The following CKAP2 variants were observed in gnomAD, a reference collection of about 807,000 sequenced individuals.
The protein encoded by CKAP2 is cytoskeleton associated protein 2, also known as cytoskeleton-associated protein 2.
In CKAP2, 46 loss-of-function variants were observed where a neutral mutation model predicts 58.4. The ratio of observed to expected loss-of-function variants is 0.79; its 90% confidence interval spans 0.62 to 1.01. CKAP2 has a LOEUF of 1.01. Ranked by LOEUF, CKAP2 falls within the 50% of genes least tolerant of loss-of-function variation. The pLI is 0.00. For missense variants in CKAP2, 809 were observed against 796.4 expected, an observed-to-expected ratio of 1.02 and a Z score of -0.19; for synonymous variants, 293 against 280.9, an observed-to-expected ratio of 1.04 and a Z score of -0.43.
At chr13:52,460,122 GTGC>G (rs1399614963) in intron 2 of CKAP2, among the ~76,000 whole-genome samples, 6 of 152,128 alleles carry the variant, frequency 3.9e-5, no homozygotes, top group African/African-American at 9.7e-5. Context: ...GCCTCCCAAA[GTGC>G]TGCTATTACA....
Position 52,461,795 on chromosome 13 carries a change from C to G in CKAP2, c.969C>G (p.Ala323=). The G allele has an allele frequency of 6.2e-7, 1 of 1,614,002 alleles. No homozygotes were observed. Among genetic ancestry groups the G allele is most frequent in the Non-Finnish European group, 8.5e-7 (1 of 1,179,920 alleles). ...GATCCATAGCATCTGAAGTTATAGC[C>G]AGGCCTGCTTCATTGTCTAATGATA... is the stretch of plus-strand genomic sequence containing the variant. The part of the protein sequence containing the change: ...LSRSIASEVI[A]RPASLSNDKL... Residue 323 remains alanine (A), a synonymous_variant, in exon 4 of 9, where the codon GCC becomes GCG. Coordinates refer to ENST00000258607, the MANE Select transcript of CKAP2 (RefSeq NM_018204.5).
In CKAP2 at chr13:52,456,626, C is replaced by T; in HGVS notation, c.155+19C>T. 5 of 1,543,524 alleles carry T rather than the reference C, an allele frequency of 3.2e-6. No homozygotes were observed. The highest frequency in any genetic ancestry group is 3.6e-6 in the Non-Finnish European group (4 of 1,118,636). ...TATCCAGGTAAGGTCAAGTTTATTT[C>T]TTTTCACTTCTGTAAAATTGTATCA... On this transcript the variant is annotated intron_variant, in intron 2 of 8. Coordinates refer to ENST00000258607, the MANE Select transcript of CKAP2 (RefSeq NM_018204.5).
At chr13:52,462,737 C>T (rs1324909070) in intron 5 of CKAP2, among the ~76,000 whole-genome samples, 170 bp downstream of exon 5, 1 of 152,194 alleles carries the variant, frequency 6.6e-6, no homozygotes, top group African/African-American at 2.4e-5. Flanking sequence ...GCGAGATACA[C>T]TGCTTCATTC....
At position 52,455,504 on chromosome 13, in the gene CKAP2, G is replaced by A. The variant is rs1408582847; in HGVS notation, c.-53G>A. On this transcript the variant is annotated 5_prime_UTR_variant, in exon 1 of 9. Coordinates refer to ENST00000258607, the MANE Select transcript of CKAP2 (RefSeq NM_018204.5). Reference sequence around the variant, plus strand: ...CAGACTGCGGCGGCGGTGGTCTGAGGAAGTTCTATCTTGGCGCTAAAGCGG... The same window carrying A: ...CAGACTGCGGCGGCGGTGGTCTGAGAAAGTTCTATCTTGGCGCTAAAGCGG... 6.8e-6 allele frequency: 11 copies of A among 1,606,810 alleles called. No homozygotes were observed. The highest frequency in any genetic ancestry group is 1.6e-4 in the Middle Eastern group (1 of 6,074).
At chr13:52,471,549 G>A (rs1350648993) in intron 7 of CKAP2, among the ~76,000 whole-genome samples, 1 of 151,388 alleles carries the variant, frequency 6.6e-6, no homozygotes, top group Non-Finnish European at 1.5e-5. Flanking sequence ...CAAGCACCAC[G>A]TGGGTGTTTC....
rs1958832580 is a variant in CKAP2 at position 52,476,594 on chromosome 13, T to C, written c.*1453T>C. The C allele has an allele frequency of 6.6e-6, 1 of 152,232 alleles. No individual in the cohort carries two copies. Among genetic ancestry groups the C allele is most frequent in the South Asian group, 2.1e-4 (1 of 4,830 alleles). The allele number at this position is 152,232 out of a possible 1,614,324, so 9.4% of individuals were successfully genotyped here. A position where few individuals can be genotyped will look rare whatever the true frequency, so the allele number is the denominator to read the frequency against. On this transcript the variant is annotated 3_prime_UTR_variant, in exon 9 of 9. Transcript: ENST00000258607. Reference sequence around the variant, plus strand: ...TTTTTTCATACTTTGACCCAAAATATGCCATTTTGAAATAAAATTTAAGCT... The same window carrying C: ...TTTTTTCATACTTTGACCCAAAATACGCCATTTTGAAATAAAATTTAAGCT...
At chr13:52,469,256 T>C (rs1049599801) in intron 7 of CKAP2, among the ~76,000 whole-genome samples, 1 of 152,216 alleles carries the variant, frequency 6.6e-6, no homozygotes, top group Non-Finnish European at 1.5e-5. Context: ...GAGATCTGGC[T>C]CAATATTTAG....
intron 2 of CKAP2, 40 bp from the exon 3 acceptor site, chr13:52,460,859 C>T: frequency 6.4e-7 from 1 of 1,569,744 alleles, no homozygotes; most frequent in South Asian, 1.1e-5. Context: ...CTCCTTGGTA[C>T]AGGATTGATT....
At position 52,475,295 on chromosome 13, in the gene CKAP2, AT is replaced by A; in HGVS notation, c.*155del. ...GAGCTCCTTTACTAACATTCATGTTATGGCAAGAGTTGTCCTCTACATTGGA... is the reference window on the plus strand; with the variant it reads ...GAGCTCCTTTACTAACATTCATGTTAGGCAAGAGTTGTCCTCTACATTGGA... On this transcript the variant is annotated 3_prime_UTR_variant, in exon 9 of 9. Coordinates refer to ENST00000258607, the MANE Select transcript of CKAP2 (RefSeq NM_018204.5). The A allele has an allele frequency of 1.1e-6, 1 of 927,266 alleles. No homozygotes were observed. Among genetic ancestry groups the A allele is most frequent in the Non-Finnish European group, 1.6e-6 (1 of 629,556 alleles). 57.4% of individuals were successfully genotyped at this position (927,266 alleles called of 1,614,324 possible).
chr13:52,469,062 T>C (rs907903612), intron 7 of CKAP2, among the ~76,000 whole-genome samples: 8 of 152,250 alleles, frequency 5.3e-5, no homozygotes, highest in Admixed American at 5.2e-4. Flanking sequence ...CTTTTAAGGA[T>C]AGCCATTCTG....
intron 5 of CKAP2, among the ~76,000 whole-genome samples, chr13:52,463,685 G>T (rs1033302858): frequency 1.3e-5 from 2 of 152,200 alleles, no homozygotes; most frequent in Non-Finnish European, 2.9e-5. Context: ...ACCAGAAGCA[G>T]TTGAGGGACC....
At chr13:52,474,362 G>T (rs546907852) in intron 8 of CKAP2, among the ~76,000 whole-genome samples, 1 of 152,078 alleles carries the variant, frequency 6.6e-6, no homozygotes, top group Non-Finnish European at 1.5e-5. Flanking sequence ...GGTGCTGTGT[G>T]CCTGTAGTCC....
chr13:52,467,896 G>A (rs1452318646), intron 6 of CKAP2, among the ~76,000 whole-genome samples: 2 of 150,426 alleles, frequency 1.3e-5, no homozygotes, highest in Non-Finnish European at 3.0e-5. Flanking sequence ...TGCAAGCTCC[G>A]CTTCCTGGGT....
At position 52,461,679 on chromosome 13, in the gene CKAP2, C is replaced by A; in HGVS notation, c.853C>A (p.His285Asn). The change falls in exon 4 of 9, where the codon CAT becomes AAT. Residue 285 changes from histidine to asparagine, a missense_variant. Physicochemically the swap from His to Asn is moderately conservative, Grantham distance 68. Around this residue, in one of 3 missense-constraint regions of CKAP2, gnomAD observed 523 missense variants for 492.4 expected, o/e 1.06. Coordinates refer to ENST00000258607, the MANE Select transcript of CKAP2 (RefSeq NM_018204.5). Reference protein sequence around the residue: ...SANVTIRKGPHEKELLQSKTA... With the variant: ...SANVTIRKGPNEKELLQSKTA... ...CAATGTTACAATCCGGAAAGGGCCT[C>A]ATGAAAAAGAACTATTACAATCAAA... 6.2e-7 allele frequency: 1 copy of A among 1,613,982 alleles called. No individual in the cohort carries two copies. The highest frequency in any genetic ancestry group is 8.5e-7 in the Non-Finnish European group (1 of 1,179,988).
intron 1 of CKAP2, 26 bp downstream of exon 1, chr13:52,455,652 T>G (rs1566095685): frequency 6.7e-6 from 2 of 297,806 alleles, no homozygotes; most frequent in Non-Finnish European, 1.0e-5. Context: ...GCGGTGGCGG[T>G]GGCGGTGGCG....
intron 6 of CKAP2, among the ~76,000 whole-genome samples, chr13:52,467,209 G>A (rs1381846750): frequency 1.3e-5 from 2 of 151,756 alleles, no homozygotes; most frequent in African/African-American, 2.4e-5. Flanking sequence ...CCCTAATCTT[G>A]ATTGTGTTGG....
intron 6 of CKAP2, among the ~76,000 whole-genome samples, 180 bp from the exon 7 acceptor site, chr13:52,468,098 T>C (rs1014333039): frequency 6.6e-6 from 1 of 152,158 alleles, no homozygotes; most frequent in African/African-American, 2.4e-5. Flanking sequence ...GCGTGAGCCA[T>C]CGTGCCCAGC....
intron 4 of CKAP2, 147 bp from the exon 5 acceptor site, chr13:52,462,213 CGTT>C (rs1958597075): frequency 1.5e-6 from 1 of 663,182 alleles, no homozygotes; most frequent in Non-Finnish European, 2.5e-6. Context: ...GCATAATTGA[CGTT>C]GATATGTTTA....
Position 52,461,572 on chromosome 13 carries a change from C to G in CKAP2, c.746C>G (p.Thr249Arg). 1 of 1,614,172 alleles carries G rather than the reference C, an allele frequency of 6.2e-7. No individual in the cohort carries two copies. Among genetic ancestry groups the G allele is most frequent in the Non-Finnish European group, 8.5e-7 (1 of 1,180,024 alleles). The change falls in exon 4 of 9, where the codon ACA (threonine) becomes AGA (arginine). Residue 249 changes from threonine to arginine, a missense_variant. This residue lies in a region of CKAP2 where 523 missense variants were observed against 492.4 expected (regional missense o/e 1.06). Coordinates refer to ENST00000258607, the MANE Select transcript of CKAP2 (RefSeq NM_018204.5). Reference sequence around the variant, plus strand: ...TTTGTGAGCACTACATCTCAGAACACACAACTTGTGCGACCTCCTATTAGA... The same window carrying G: ...TTTGTGAGCACTACATCTCAGAACAGACAACTTGTGCGACCTCCTATTAGA... ...TKFVSTTSQNTQLVRPPIRSH... is the reference protein window; with the variant it reads ...TKFVSTTSQNRQLVRPPIRSH...
Sources: allele counts gnomAD v4.1 joint callset (sites outside exome capture counted in the v4.1 genomes callset), GRCh38; gene constraint gnomAD v4.1.1; regional missense constraint gnomAD v4.1.1; transcripts MANE v1.5; gene names NCBI Gene and HGNC (gene_info 2026-07-23, HGNC 2026-07-21).